VRTN: variants seen among roughly 807,000 people sequenced by gnomAD.
VRTN encodes vertebrae development associated.
VRTN carries 5 observed loss-of-function variants against 18.2 expected under a neutral mutation model. That is an observed-to-expected ratio of 0.27 (90% CI 0.14 to 0.58). The LOEUF (loss-of-function observed/expected upper bound fraction) is 0.58, where lower values mean the gene tolerates loss of function less well. Ranked by LOEUF, VRTN falls within the 20% of genes least tolerant of loss-of-function variation. VRTN has a pLI of 0.91. For synonymous variants in VRTN, 381 were observed against 393.7 expected, an observed-to-expected ratio of 0.97 and a Z score of 0.38; for missense variants, 741 against 939.4, an observed-to-expected ratio of 0.79 and a Z score of 2.76.
rs67822776 is a variant in VRTN, at chr14:74,303,843, ATTTTTTTT to A, written c.-164+685_-164+692del. Reference sequence around the variant, plus strand: ...TAGGTCAATCAGTTGACAATTACAGATTTTTTTTTTTTTTTTTTTTTTTTTGATACGGA... The same window carrying A: ...TAGGTCAATCAGTTGACAATTACAGATTTTTTTTTTTTTTTTTGATACGGA... On this transcript the variant is annotated intron_variant, in intron 1 of 2. Transcript: ENST00000557177. Among the ~76,000 whole-genome samples, 86 of 88,504 alleles carry A rather than the reference ATTTTTTTT, an allele frequency of 9.7e-4. 1 individual carries two copies. The highest frequency in any genetic ancestry group is 1.2e-3 in the South Asian group (3 of 2,556). The allele number at this position is 88,504 out of a possible 152,430, so 58.1% of individuals were successfully genotyped here. A position where few individuals can be genotyped will look rare whatever the true frequency, so the allele number is the denominator to read the frequency against.
At chr14:74,307,354 T>C (rs1172911096) in intron 1 of VRTN, among the ~76,000 whole-genome samples, 1 of 152,016 alleles carries the variant, frequency 6.6e-6, no homozygotes, top group African/African-American at 2.4e-5. Flanking sequence ...GGTCTCAAAC[T>C]CCTTACCTCA....
intron 1 of VRTN, among the ~76,000 whole-genome samples, chr14:74,315,215 T>C (rs935198076): frequency 6.6e-6 from 1 of 152,192 alleles, no homozygotes; most frequent in Admixed American, 6.5e-5. Context: ...CAGTGATACT[T>C]CTTTTTTTTT....
At chr14:74,314,687 G>A (rs974941396) in intron 1 of VRTN, among the ~76,000 whole-genome samples, 6 of 152,276 alleles carry the variant, frequency 3.9e-5, no homozygotes, top group Non-Finnish European at 7.3e-5. Context: ...ACAGGCATGA[G>A]CCACTGCGTC....
At position 74,343,342 on chromosome 14, in the gene VRTN, G is replaced by T. The variant is rs200935444; in HGVS notation, c.-2+5458G>T. On this transcript the variant is annotated intron_variant, in intron 2 of 2. Transcript: ENST00000557177. Reference sequence around the variant, plus strand: ...GGGTTTCACCATGTTGGCCAGGCTGGTCTCAAACTCCTGACCTTGGTGATC... The same window carrying T: ...GGGTTTCACCATGTTGGCCAGGCTGTTCTCAAACTCCTGACCTTGGTGATC... 4.4e-4 allele frequency among the ~76,000 whole-genome samples: 67 copies of T among 152,238 alleles called. No individual in the cohort carries two copies. The East Asian group carries it at 6.6e-3, about 15-fold the overall frequency.
Position 74,358,135 on chromosome 14 carries a change from A to G in VRTN, c.1352A>G (p.Lys451Arg). The change falls in exon 2 of 2, where the codon AAG becomes AGG. Residue 451 changes from lysine to arginine, a missense_variant. This residue lies in a region of VRTN where 494 missense variants were observed against 546.5 expected (regional missense o/e 0.90). Transcript: ENST00000256362. This position sits in a 1 kb window ranked among gnomAD's most constrained non-coding sequence, Gnocchi z 5.4. ...GCCCTCCGGAGGAACCCCAGCTTCA[A>G]GCCGGCACCAGCCCTCTCTGCTGCT... is the stretch of plus-strand genomic sequence containing the variant. ...RKALRRNPSFKPAPALSAAGT... is the reference protein window; with the variant it reads ...RKALRRNPSFRPAPALSAAGT... 6.2e-7 allele frequency: 1 copy of G among 1,614,092 alleles called. No homozygotes were observed. The highest frequency in any genetic ancestry group is 8.5e-7 in the Non-Finnish European group (1 of 1,180,012).
intron 2 of VRTN, among the ~76,000 whole-genome samples, chr14:74,342,545 A>G (rs10132720): frequency 0.1 from 15,316 of 152,166 alleles, 1,899 homozygotes; most frequent in African/African-American, 0.3. Context: ...ACACATATAC[A>G]CACTGTACAA....
At chr14:74,347,774 G>GCCCC (rs1475818270), upstream of VRTN, among the ~76,000 whole-genome samples, 1 of 152,200 alleles carries the variant, frequency 6.6e-6, no homozygotes, top group Non-Finnish European at 1.5e-5. Context: ...GGTACTGCGT[G>GCCCC]CCCCCACCTT....
At chr14:74,303,623 G>A (rs2085187245) in intron 1 of VRTN, among the ~76,000 whole-genome samples, 1 of 152,108 alleles carries the variant, frequency 6.6e-6, no homozygotes, top group African/African-American at 2.4e-5. Flanking sequence ...CTTATCAGTT[G>A]ACTGATTAGT....
chr14:74,348,401 T>C (rs1458806139), upstream of VRTN: 2 of 152,300 alleles, frequency 1.3e-5, no homozygotes, highest in Non-Finnish European at 2.9e-5. Flanking sequence ...ACTTCTTTCA[T>C]CTTGGTACAG....
At chr14:74,337,830 C>G (rs1273038481) in exon 2 of VRTN, 1 of 152,152 alleles carries the variant, frequency 6.6e-6, no homozygotes, top group South Asian at 2.1e-4. Flanking sequence ...TGACATTGCC[C>G]ATCCCAGGTA....
chr14:74,344,185 G>C (rs1372345451), upstream of VRTN, among the ~76,000 whole-genome samples: 1 of 137,808 alleles, frequency 7.3e-6, no homozygotes, highest in African/African-American at 2.8e-5. Context: ...AAAGGGGGAG[G>C]ATCACTTGAA....
At chr14:74,345,795 G>A (rs958737485), upstream of VRTN, among the ~76,000 whole-genome samples, 3 of 151,388 alleles carry the variant, frequency 2.0e-5, no homozygotes. Context: ...GTGGTGGCAG[G>A]GGCCTGTAAT....
intron 1 of VRTN, among the ~76,000 whole-genome samples, chr14:74,335,641 C>A (rs1171271074): frequency 1.3e-5 from 2 of 151,926 alleles, no homozygotes; most frequent in African/African-American, 4.8e-5. Context: ...CATGTTTATT[C>A]AACTCTAAAG....
At chr14:74,322,433 A>G (rs1423903420) in intron 1 of VRTN, among the ~76,000 whole-genome samples, 1 of 152,192 alleles carries the variant, frequency 6.6e-6, no homozygotes, top group Non-Finnish European at 1.5e-5. Context: ...TACAGGCATG[A>G]GCCACTGCAC....
chr14:74,336,167 G>A (rs2140204215), intron 1 of VRTN, among the ~76,000 whole-genome samples: 1 of 151,820 alleles, frequency 6.6e-6, no homozygotes, highest in East Asian at 2.0e-4. Context: ...CAGCACTTTG[G>A]GAGGCTGAGG....
chr14:74,312,146 T>C (rs1263444186), intron 1 of VRTN, among the ~76,000 whole-genome samples: 7 of 152,228 alleles, frequency 4.6e-5, no homozygotes, highest in Non-Finnish European at 1.0e-4. Flanking sequence ...TGTGCCATCA[T>C]AAGTCAGGGA....
rs987757242 is a variant in VRTN at position 74,333,818 on chromosome 14, C to T, written c.-163-3905C>T. Among the ~76,000 whole-genome samples the T allele has an allele frequency of 5.7e-4, 86 of 150,520 alleles. 1 individual carries two copies. Among genetic ancestry groups the T allele is most frequent in the African/African-American group, 1.9e-3 (76 of 40,878 alleles). On this transcript the variant is annotated intron_variant, in intron 1 of 2. Coordinates refer to the VRTN transcript ENST00000557177. ...TCGCGCCATTGCACTCCAGCCTGGG[C>T]GACAGAGCGAGACTCTGTCTCAAAA...
intron 1 of VRTN, among the ~76,000 whole-genome samples, chr14:74,308,268 T>A (rs534357812): frequency 6.6e-6 from 1 of 152,144 alleles, no homozygotes; most frequent in East Asian, 1.9e-4. Context: ...AAGAAAAAAA[T>A]TGGGATCCAA....
chr14:74,353,761 C>T (rs542238154), intron 1 of VRTN, among the ~76,000 whole-genome samples: 5 of 151,698 alleles, frequency 3.3e-5, no homozygotes, highest in Admixed American at 6.6e-5. Flanking sequence ...CTCACTCTGT[C>T]GTCCAGGCTG....
Sources: allele counts gnomAD v4.1 joint callset (sites outside exome capture counted in the v4.1 genomes callset), GRCh38; gene constraint gnomAD v4.1.1; regional missense constraint gnomAD v4.1.1; non-coding constraint Gnocchi (gnomAD v3.1); transcripts MANE v1.5; gene names NCBI Gene and HGNC (gene_info 2026-07-23, HGNC 2026-07-21).